The following IPO9 variants were observed in gnomAD, a reference collection of about 807,000 sequenced individuals.
IPO9 encodes importin-9.
IPO9 carries 28 observed loss-of-function variants against 128.6 expected under a neutral mutation model. The ratio of observed to expected loss-of-function variants is 0.22; its 90% CI spans 0.16 to 0.30. The LOEUF (loss-of-function observed/expected upper bound fraction) is 0.30. IPO9 is among the 10% of genes least tolerant of loss of function. The pLI is 1.00. For synonymous variants in IPO9, 455 were observed against 475.8 expected (o/e 0.96, Z 0.57); for missense variants, 935 against 1,293.9 (o/e 0.72, Z 4.26).
At chr1:201,831,614 G>C (rs577911132) in intron 1 of IPO9, among the ~76,000 whole-genome samples, 4 of 152,284 alleles carry the variant, frequency 2.6e-5, no homozygotes, top group African/African-American at 9.6e-5. Context: ...ATTGGGTTCA[G>C]AGTACCTCCC....
At chr1:201,858,073 G>A (rs1047030959) in intron 11 of IPO9, among the ~76,000 whole-genome samples, 2 of 152,204 alleles carry the variant, frequency 1.3e-5, no homozygotes, top group Non-Finnish European at 2.9e-5. Context: ...CTAAGGAGCT[G>A]TGAAAGATTA....
chr1:201,878,991 G>A lies in IPO9; in HGVS notation c.*2937G>A, dbSNP rs1487453291. ...CACTTAGCTGCTCTGAGACATTTTA[G>A]TCTCCTGACTGGTAAACAGCAGCTG... On this transcript the variant is annotated 3_prime_UTR_variant, in exon 24 of 24. Transcript: ENST00000361565. 1 of 152,190 alleles carries A rather than the reference G, an allele frequency of 6.6e-6. No homozygotes were observed. Among genetic ancestry groups the A allele is most frequent in the Non-Finnish European group, 1.5e-5 (1 of 68,022 alleles). The allele number at this position is 152,190 out of a possible 1,614,324, so 9.4% of individuals were successfully genotyped here.
rs555954652 is a variant in IPO9, at chr1:201,843,847, ATATTCT to A, written c.164-3427_164-3422del. 5.0e-3 allele frequency among the ~76,000 whole-genome samples: 748 copies of A among 150,618 alleles called. 4 individuals are homozygous for A. The highest frequency in any genetic ancestry group is 0.016 in the South Asian group (78 of 4,770). On this transcript the variant is annotated intron_variant, in intron 1 of 23. Transcript: ENST00000361565. ...TGTCTCAAAAAAAAAAAAAAAAAAG[ATATTCT>A]TATTACTGTAGTCAGTTAGGAAAGA...
intron 15 of IPO9, among the ~76,000 whole-genome samples, chr1:201,868,307 C>CA (rs541069977): frequency 7.3e-6 from 1 of 136,776 alleles, no homozygotes; most frequent in Non-Finnish European, 1.6e-5. Flanking sequence ...ATCAGTTGGG[C>CA]TTTTTTTTTT....
chr1:201,841,687 C>T (rs1199215149), intron 1 of IPO9, among the ~76,000 whole-genome samples: 1 of 152,042 alleles, frequency 6.6e-6, no homozygotes, highest in Non-Finnish European at 1.5e-5. Context: ...TATAGAATAT[C>T]TTGTGTATTC....
chr1:201,833,374 G>T (rs1358105595), intron 1 of IPO9, among the ~76,000 whole-genome samples: 1 of 152,016 alleles, frequency 6.6e-6, no homozygotes, highest in African/African-American at 2.4e-5. Context: ...AAGTAGCTGG[G>T]ATTACAGGCG....
intron 1 of IPO9, among the ~76,000 whole-genome samples, chr1:201,841,884 A>G (rs533472663): frequency 1.3e-5 from 2 of 152,354 alleles, no homozygotes; most frequent in African/African-American, 4.8e-5. Flanking sequence ...AAATATTAGG[A>G]AAAACAAACC....
Position 201,872,873 on chromosome 1 carries a change from T to C in IPO9, c.2622T>C (p.Asp874=). The C allele has an allele frequency of 6.2e-7, 1 of 1,613,990 alleles. No homozygotes were observed. The highest frequency in any genetic ancestry group is 1.1e-5 in the South Asian group (1 of 91,056). The change falls in exon 20 of 24, where the codon GAT becomes GAC. Residue 874 remains aspartate, a synonymous_variant. Transcript: ENST00000361565. The part of the protein sequence containing the change: ...CKLLQHGINA[D]DKRLQDIRVK... ...TGCTCCAGCATGGCATCAATGCAGA[T>C]GACAAACGGCTACAGGATATCCGTG... is the stretch of plus-strand genomic sequence containing the variant.
Position 201,871,325 on chromosome 1 carries a change from C to A in IPO9, c.2574C>A (p.Val858=). 2 of 1,495,544 alleles carry A rather than the reference C, an allele frequency of 1.3e-6. No individual in the cohort carries two copies. The highest frequency in any genetic ancestry group is 1.2e-5 in the South Asian group (1 of 85,640). The allele number at this position is 1,495,544 out of a possible 1,614,324, so 92.6% of individuals were successfully genotyped here. ...HLFYGQYEGK[V]SSVALCKLLQ... ...TCTATGGACAGTATGAAGGCAAAGTCAGGTAGAACCTCATCTTTCTTTTCT... is the reference window on the plus strand; with the variant it reads ...TCTATGGACAGTATGAAGGCAAAGTAAGGTAGAACCTCATCTTTCTTTTCT... The change falls in exon 19 of 24, where the codon GTC becomes GTA. Residue 858 remains valine (V), a splice_region_variant and synonymous_variant. Coordinates refer to ENST00000361565, the MANE Select transcript of IPO9 (RefSeq NM_018085.5).
At chr1:201,843,448 A>G (rs1680072826) in intron 1 of IPO9, among the ~76,000 whole-genome samples, 1 of 152,248 alleles carries the variant, frequency 6.6e-6, no homozygotes, top group South Asian at 2.1e-4. Flanking sequence ...AGAAAGAAGT[A>G]TCTTGTAAGT....
intron 1 of IPO9, among the ~76,000 whole-genome samples, chr1:201,834,355 A>G (rs1002543856): frequency 2.0e-5 from 3 of 152,164 alleles, no homozygotes; most frequent in African/African-American, 7.2e-5. Flanking sequence ...TCTTACGTCA[A>G]AGTCTCATAT....
intron 1 of IPO9, among the ~76,000 whole-genome samples, chr1:201,830,087 A>G (rs1679804918): frequency 6.6e-6 from 1 of 152,332 alleles, no homozygotes; most frequent in Middle Eastern, 3.4e-3. Flanking sequence ...GGAGAAGAAA[A>G]TAAACCATTG....
In IPO9 at chr1:201,863,838, T is replaced by C. The variant is rs577581015; in HGVS notation, c.1628+231T>C. Among the ~76,000 whole-genome samples, 3 of 152,316 alleles carry C rather than the reference T, an allele frequency of 2.0e-5. No homozygotes were observed. In the East Asian group the frequency reaches 5.8e-4, roughly 29 times the overall value. ...TTCCTCTTTAAATTCGCTCCAGTTC[T>C]GGAATCATCTAGGCAACTCCCTTTC... On this transcript the variant is annotated intron_variant, in intron 14 of 23. Coordinates refer to ENST00000361565, the MANE Select transcript of IPO9 (RefSeq NM_018085.5).
At chr1:201,848,995 T>C (rs912671156) in intron 4 of IPO9, among the ~76,000 whole-genome samples, 1 of 152,232 alleles carries the variant, frequency 6.6e-6, no homozygotes, top group African/African-American at 2.4e-5. Context: ...TCTATCTTTA[T>C]TGACTTGTTC....
rs1227909381 is a variant in IPO9, at chr1:201,845,063, C to CTGGA, written c.164-2215_164-2212dup. On this transcript the variant is annotated intron_variant, in intron 1 of 23. Coordinates refer to ENST00000361565, the MANE Select transcript of IPO9 (RefSeq NM_018085.5). ...CAGAGTTTCCCTCTTGTTGCCCAGG[C>CTGGA]TGGAGTGCAATGGCGCAATCTCGGC... Among the ~76,000 whole-genome samples the CTGGA allele has an allele frequency of 2.0e-5, 3 of 151,836 alleles. No homozygotes were observed. In the South Asian group the frequency reaches 6.2e-4, roughly 31 times the overall value.
chr1:201,866,758 G>A lies in IPO9; in HGVS notation c.1654G>A (p.Glu552Lys), dbSNP rs912398311. 20 of 1,613,880 alleles carry A rather than the reference G, an allele frequency of 1.2e-5. No homozygotes were observed. The highest frequency in any genetic ancestry group is 1.4e-5 in the Non-Finnish European group (17 of 1,179,994). ...WGYCDQLKVS[E>K]STHVLQPFLP... ...TTATTGTGACCAACTGAAAGTCTCA[G>A]AGAGTACCCACGTGCTCCAGCCCTT... Residue 552 changes from glutamate (E) to lysine (K), a missense_variant, in exon 15 of 24, where the codon GAG becomes AAG. Coordinates refer to ENST00000361565, the MANE Select transcript of IPO9 (RefSeq NM_018085.5).
chr1:201,840,596 T>C (rs1324932528), intron 1 of IPO9, among the ~76,000 whole-genome samples: 2 of 152,204 alleles, frequency 1.3e-5, no homozygotes, highest in Non-Finnish European at 1.5e-5. Flanking sequence ...TATTATTCAC[T>C]GCAGCATTTT....
At position 201,876,241 on chromosome 1, in the gene IPO9, G is replaced by C. The variant is rs1287010940; in HGVS notation, c.*187G>C. 5.7e-6 allele frequency: 4 copies of C among 705,472 alleles called. No homozygotes were observed. The highest frequency in any genetic ancestry group is 1.8e-5 in the African/African-American group (1 of 56,932). The allele number at this position is 705,472 out of a possible 1,614,324, so 43.7% of individuals were successfully genotyped here. A position where few individuals can be genotyped will look rare whatever the true frequency, so the allele number is the denominator to read the frequency against. ...CCGGTGCCGTCACTTAGGAATGCTG[G>C]AACAAAGGACATTTCTCAAAGTTCC... On this transcript the variant is annotated 3_prime_UTR_variant, in exon 24 of 24. Coordinates refer to ENST00000361565, the MANE Select transcript of IPO9 (RefSeq NM_018085.5).
In IPO9 at chr1:201,880,976, A is replaced by G. The variant is rs1166508141; in HGVS notation, c.*4922A>G. On this transcript the variant is annotated 3_prime_UTR_variant, in exon 24 of 24. Coordinates refer to ENST00000361565, the MANE Select transcript of IPO9 (RefSeq NM_018085.5). Reference sequence around the variant, plus strand: ...AAGGTAGCCTAGGTGTATTAAATGCATTTTTCACTTAACGGTATTTTCAAC... The same window carrying G: ...AAGGTAGCCTAGGTGTATTAAATGCGTTTTTCACTTAACGGTATTTTCAAC... The G allele has an allele frequency of 6.6e-6, 1 of 152,174 alleles. No individual in the cohort carries two copies. The highest frequency in any genetic ancestry group is 1.5e-5 in the Non-Finnish European group (1 of 68,032). The allele number at this position is 152,174 out of a possible 1,614,324, so 9.4% of individuals were successfully genotyped here.
Sources: gnomAD v4.1 joint callset for allele counts (sites outside exome capture counted in the v4.1 genomes callset) on GRCh38, gnomAD v4.1.1 for gene constraint, MANE v1.5 for transcripts, NCBI Gene and HGNC (gene_info 2026-07-23, HGNC 2026-07-21) for gene names.